Variants in PITPNC1 observed in about 807,000 individuals in gnomAD.
The protein encoded by PITPNC1 is phosphatidylinositol transfer protein cytoplasmic 1.
Under a neutral mutation model 44.7 loss-of-function variants are expected in PITPNC1, and 18 were observed. The ratio of observed to expected loss-of-function variants is 0.40; its 90% CI spans 0.28 to 0.60. The LOEUF (loss-of-function observed/expected upper bound fraction) is 0.60, where lower values mean the gene tolerates loss of function less well. Among genes scored for constraint, PITPNC1 ranks in the 20% least tolerant of loss-of-function variants. The pLI is 0.39. For missense variants in PITPNC1, 290 were observed against 418.4 expected (o/e 0.69, Z 2.68); for synonymous variants, 141 against 149.6 (o/e 0.94, Z 0.42).
intron 1 of PITPNC1, among the ~76,000 whole-genome samples, chr17:67,501,342 C>T (rs1343958393): frequency 6.6e-6 from 1 of 152,092 alleles, no homozygotes; most frequent in Admixed American, 6.6e-5. Context: ...AGATGCACTC[C>T]GGGTTATATG....
At position 67,687,405 on chromosome 17, in the gene PITPNC1, C is replaced by T. The variant is rs114823303; in HGVS notation, c.683-5167C>T. 5.8e-3 allele frequency among the ~76,000 whole-genome samples: 881 copies of T among 152,180 alleles called. 9 individuals carry two copies. The highest frequency in any genetic ancestry group is 0.021 in the African/African-American group (855 of 41,502). On this transcript the variant is annotated intron_variant, in intron 8 of 8. Transcript: ENST00000581322. ...AAGTTGCTTGACGTGGAGGTTATTT[C>T]GGTCATAAAACCAAGAACATGGAGA...
At chr17:67,518,381 C>T (rs571214548) in intron 1 of PITPNC1, among the ~76,000 whole-genome samples, 2 of 152,252 alleles carry the variant, frequency 1.3e-5, no homozygotes, top group South Asian at 4.2e-4. Flanking sequence ...CCAGGGGATG[C>T]CTTCCAGCCC....
chr17:67,502,922 T>C (rs1329290428), intron 1 of PITPNC1, among the ~76,000 whole-genome samples: 1 of 151,978 alleles, frequency 6.6e-6, no homozygotes, highest in Non-Finnish European at 1.5e-5. Flanking sequence ...GCCTCCCGAG[T>C]AGCTGGGATT....
At chr17:67,540,686 G>A (rs2040594482) in intron 2 of PITPNC1, among the ~76,000 whole-genome samples, 2 of 152,138 alleles carry the variant, frequency 1.3e-5, no homozygotes, top group Non-Finnish European at 1.5e-5. Context: ...CCTGGTTACT[G>A]TCAAAACTGG....
At chr17:67,534,448 G>T (rs994599955) in intron 2 of PITPNC1, among the ~76,000 whole-genome samples, 1 of 151,876 alleles carries the variant, frequency 6.6e-6, no homozygotes, top group African/African-American at 2.4e-5. Context: ...AACCAGCCTG[G>T]GTAACATGGC....
At chr17:67,455,087 CT>C (rs1317193452) in intron 1 of PITPNC1, among the ~76,000 whole-genome samples, 2 of 152,158 alleles carry the variant, frequency 1.3e-5, no homozygotes, top group East Asian at 3.9e-4. Context: ...TTCCAAAGTG[CT>C]GGGTTAACAG....
intron 1 of PITPNC1, among the ~76,000 whole-genome samples, chr17:67,521,017 C>T (rs1342784265): frequency 6.6e-6 from 1 of 152,190 alleles, no homozygotes; most frequent in South Asian, 2.1e-4. Context: ...TATACATGCA[C>T]TCTTACTTGC....
chr17:67,388,714 G>A (rs191053969), intron 1 of PITPNC1, among the ~76,000 whole-genome samples: 6 of 152,128 alleles, frequency 3.9e-5, no homozygotes, highest in South Asian at 2.1e-4. Flanking sequence ...TCCACCTCTC[G>A]GGTTCAAGCA....
intron 1 of PITPNC1, among the ~76,000 whole-genome samples, chr17:67,413,401 T>TTTTCTCTCTTTCTTTCTTTCTTTCTTTC (rs2038534440): frequency 6.9e-6 from 1 of 145,400 alleles, no homozygotes; most frequent in African/African-American, 2.6e-5. Context: ...ATGTGCTTAA[T>TTTTCTCTCTTTCTTTCTTTCTTTCTTTC]TTTCTTTCTT....
rs1295376573 is a variant in PITPNC1 at position 67,694,411 on chromosome 17, G to A, written c.*1523G>A. The A allele has an allele frequency of 6.6e-6, 1 of 152,358 alleles. No homozygotes were observed. The highest frequency in any genetic ancestry group is 1.5e-5 in the Non-Finnish European group (1 of 68,234). 9.4% of individuals were successfully genotyped at this position (152,358 alleles called of 1,614,324 possible). On this transcript the variant is annotated 3_prime_UTR_variant, in exon 9 of 9. Coordinates refer to ENST00000581322, the MANE Select transcript of PITPNC1 (RefSeq NM_012417.4). ...CCCAAAGGAAACAAAATAGACCAAGGAGCATAATCTGCTTCTCTCACACAG... is the reference window on the plus strand; with the variant it reads ...CCCAAAGGAAACAAAATAGACCAAGAAGCATAATCTGCTTCTCTCACACAG...
At chr17:67,405,306 A>G (rs1418778712) in intron 1 of PITPNC1, among the ~76,000 whole-genome samples, 2 of 151,726 alleles carry the variant, frequency 1.3e-5, no homozygotes, top group Non-Finnish European at 2.9e-5. Flanking sequence ...AATCCCATCT[A>G]CTGGGGAGGC....
At chr17:67,551,090 A>C (rs72848169) in intron 2 of PITPNC1, among the ~76,000 whole-genome samples, 3,142 of 151,974 alleles carry the variant, frequency 0.021, 56 homozygotes, top group Middle Eastern at 0.078. Flanking sequence ...CAAACAAAAA[A>C]GTGAAATCAT....
intron 4 of PITPNC1, among the ~76,000 whole-genome samples, chr17:67,556,804 G>A (rs1221929290): frequency 6.6e-6 from 1 of 152,224 alleles, no homozygotes; most frequent in Non-Finnish European, 1.5e-5. Context: ...GGAATGGAAG[G>A]AGCTAGGCAG....
At chr17:67,592,723 G>A (rs756196148) in intron 5 of PITPNC1, among the ~76,000 whole-genome samples, 1 of 152,202 alleles carries the variant, frequency 6.6e-6, no homozygotes, top group Non-Finnish European at 1.5e-5. Flanking sequence ...CATTAAGTGA[G>A]TTGACATTTC....
At chr17:67,423,197 C>T (rs2038696578) in intron 1 of PITPNC1, among the ~76,000 whole-genome samples, 1 of 152,050 alleles carries the variant, frequency 6.6e-6, no homozygotes, top group African/African-American at 2.4e-5. Flanking sequence ...TTAAAAGCCC[C>T]CAAGGAAACA....
chr17:67,535,572 T>A (rs2040516670), intron 2 of PITPNC1, among the ~76,000 whole-genome samples: 1 of 152,224 alleles, frequency 6.6e-6, no homozygotes, highest in African/African-American at 2.4e-5. Context: ...TTATATCATA[T>A]TTATTTAAAA....
At chr17:67,636,235 T>A (rs1490416325) in intron 6 of PITPNC1, among the ~76,000 whole-genome samples, 1 of 146,768 alleles carries the variant, frequency 6.8e-6, no homozygotes, top group African/African-American at 2.6e-5. Flanking sequence ...GAGGCCGAGA[T>A]TGCGCTACTG....
At chr17:67,390,183 C>T (rs756898465) in intron 1 of PITPNC1, among the ~76,000 whole-genome samples, 3 of 152,168 alleles carry the variant, frequency 2.0e-5, no homozygotes, top group Non-Finnish European at 4.4e-5. Flanking sequence ...GGAGGAGGTT[C>T]TCTCCTGCAG....
chr17:67,420,856 A>G (rs2038663097), intron 1 of PITPNC1, among the ~76,000 whole-genome samples: 1 of 152,192 alleles, frequency 6.6e-6, no homozygotes, highest in Non-Finnish European at 1.5e-5. Flanking sequence ...CTTCTGATCA[A>G]TCAATAGCCC....
Sources: allele counts gnomAD v4.1 joint callset (sites outside exome capture counted in the v4.1 genomes callset), GRCh38; gene constraint gnomAD v4.1.1; transcripts MANE v1.5; gene names NCBI Gene and HGNC (gene_info 2026-07-23, HGNC 2026-07-21).